The following SLC2A13 variants were observed in gnomAD, a reference collection of about 807,000 sequenced individuals.
SLC2A13 encodes the protein proton myo-inositol cotransporter.
Under a neutral mutation model 64.4 loss-of-function variants are expected in SLC2A13, and 32 were observed. That is an observed-to-expected ratio of 0.50 (90% CI 0.37 to 0.67). SLC2A13 has a LOEUF of 0.67. Ranked by LOEUF, SLC2A13 falls within the 30% of genes least tolerant of loss-of-function variation. SLC2A13 has a pLI of 0.00. For missense variants in SLC2A13, 743 were observed against 829.2 expected (o/e 0.90, Z 1.28); for synonymous variants, 338 against 327.1 (o/e 1.03, Z -0.36).
At chr12:39,862,437 A>G (rs988225270) in intron 6 of SLC2A13, among the ~76,000 whole-genome samples, 1 of 152,224 alleles carries the variant, frequency 6.6e-6, no homozygotes, top group African/African-American at 2.4e-5. Context: ...CAATGGACAT[A>G]GGCACTTAAC....
At chr12:39,790,726 T>C (rs954551047) in intron 7 of SLC2A13, among the ~76,000 whole-genome samples, 2 of 88,736 alleles carry the variant, frequency 2.3e-5, no homozygotes, top group Non-Finnish European at 4.4e-5. Context: ...GTCATTTGGG[T>C]ATATACCCAG....
chr12:40,057,649 A>G (rs562139470), intron 1 of SLC2A13, among the ~76,000 whole-genome samples: 18 of 152,208 alleles, frequency 1.2e-4, no homozygotes, highest in African/African-American at 4.1e-4. Context: ...AGCTACACTG[A>G]TAGAATTTCT....
At chr12:39,953,019 AAAAC>A (rs538494284) in intron 3 of SLC2A13, among the ~76,000 whole-genome samples, 78 of 152,282 alleles carry the variant, frequency 5.1e-4, no homozygotes, top group African/African-American at 1.8e-3. Context: ...CAACAAAACA[AAAAC>A]AAACAAAAGC....
At chr12:40,003,123 T>C (rs1947347261) in intron 3 of SLC2A13, among the ~76,000 whole-genome samples, 2 of 152,220 alleles carry the variant, frequency 1.3e-5, no homozygotes, top group Non-Finnish European at 2.9e-5. Context: ...ACCACTCCTG[T>C]AAATATGGAC....
intron 6 of SLC2A13, among the ~76,000 whole-genome samples, chr12:39,840,355 A>G (rs928499755): frequency 2.6e-5 from 4 of 151,906 alleles, no homozygotes; most frequent in African/African-American, 9.7e-5. Context: ...TCCACTCTCT[A>G]CACTGCCTCA....
chr12:39,896,576 G>GTATACATATATGTATGTATGTA (rs34981555), intron 4 of SLC2A13, among the ~76,000 whole-genome samples: 1 of 97,566 alleles, frequency 1.0e-5, no homozygotes, highest in East Asian at 5.7e-4. Flanking sequence ...ATGTATGTAT[G>GTATACATATATGTATGTATGTA]TGTGTATATA....
Position 39,930,130 on chromosome 12 carries a change from C to CAA in SLC2A13, c.1034+21125_1034+21126dup, listed in dbSNP as rs11385191. On this transcript the variant is annotated intron_variant, in intron 4 of 9. Coordinates refer to ENST00000280871, the MANE Select transcript of SLC2A13 (RefSeq NM_052885.4). The stretch of plus-strand genomic sequence containing the variant: ...TGGGTGACAGAGTGAGACTTCGTCT[C>CAA]AAAAAAAAAAAAAAACCAAAAAACG... Among the ~76,000 whole-genome samples the CAA allele has an allele frequency of 2.3e-3, 216 of 95,840 alleles. 2 individuals carry two copies. The highest frequency in any genetic ancestry group is 0.017 in the East Asian group (60 of 3,524). The allele number at this position is 95,840 out of a possible 152,430, so 62.9% of individuals were successfully genotyped here.
intron 6 of SLC2A13, among the ~76,000 whole-genome samples, chr12:39,848,734 T>C (rs1445585981): frequency 6.6e-6 from 1 of 152,154 alleles, no homozygotes; most frequent in Non-Finnish European, 1.5e-5. Flanking sequence ...ATGTTCATTG[T>C]ACCACTATCC....
chr12:39,774,482 T>G (rs74090323), intron 7 of SLC2A13, among the ~76,000 whole-genome samples: 7,207 of 152,116 alleles, frequency 0.047, 593 homozygotes, highest in African/African-American at 0.17. Flanking sequence ...TCTAATAACA[T>G]CTCTGTGATT....
rs1447106142 is a variant in SLC2A13, at chr12:40,105,324, G to C, written c.485C>G (p.Ser162Cys). ...GTTGTTGGCCGCAGCCAGCACCGCG[G>C]AGCCGGCGGTGAAGAGGGCACTGGC... ...LLASALFTAG[S>C]AVLAAANNKE... The change falls in exon 1 of 10, where the codon TCC (serine) becomes TGC (cysteine). Residue 162 changes from serine (S) to cysteine (C), a missense_variant. Physicochemically the swap from Ser to Cys is moderately radical, Grantham distance 112 (BLOSUM62 -1). Transcript: ENST00000280871. This position sits in a 1 kb window ranked among gnomAD's most constrained non-coding sequence, Gnocchi z 4.2. 2 of 1,599,586 alleles carry C rather than the reference G, an allele frequency of 1.3e-6. No individual in the cohort carries two copies. The highest frequency in any genetic ancestry group is 8.5e-7 in the Non-Finnish European group (1 of 1,174,696).
intron 2 of SLC2A13, among the ~76,000 whole-genome samples, chr12:40,038,089 C>G (rs1373434462): frequency 1.3e-5 from 2 of 152,194 alleles, no homozygotes; most frequent in Admixed American, 6.5e-5. Flanking sequence ...ACTTAGATCA[C>G]TGACTTTAAA....
At chr12:39,907,977 G>A (rs1272079769) in intron 4 of SLC2A13, 1 of 151,988 alleles carries the variant, frequency 6.6e-6, no homozygotes, top group Non-Finnish European at 1.5e-5. Context: ...CAGCTATGGT[G>A]GGAGCCACAT....
At chr12:39,875,243 A>T (rs1479374143) in intron 4 of SLC2A13, among the ~76,000 whole-genome samples, 1 of 152,134 alleles carries the variant, frequency 6.6e-6, no homozygotes, top group Non-Finnish European at 1.5e-5. Flanking sequence ...GGGAAAAATC[A>T]TTTCCTTGTC....
At chr12:40,081,839 T>A (rs557556644) in intron 1 of SLC2A13, among the ~76,000 whole-genome samples, 1 of 152,346 alleles carries the variant, frequency 6.6e-6, no homozygotes, top group South Asian at 2.1e-4. Flanking sequence ...TTGCTGTCCT[T>A]CATATAGGGC....
intron 4 of SLC2A13, among the ~76,000 whole-genome samples, chr12:39,900,373 T>A (rs1302864496): frequency 1.3e-5 from 2 of 152,190 alleles, no homozygotes; most frequent in Admixed American, 1.3e-4. Context: ...AAGGGGATTA[T>A]ATTAGGAAAA....
At chr12:39,934,078 AG>A (rs1228786773) in intron 4 of SLC2A13, among the ~76,000 whole-genome samples, 3 of 152,214 alleles carry the variant, frequency 2.0e-5, no homozygotes, top group Non-Finnish European at 4.4e-5. Context: ...CTGAATCTTA[AG>A]TTAGCTATGA....
At chr12:39,853,938 G>T (rs1943534694) in intron 6 of SLC2A13, among the ~76,000 whole-genome samples, 1 of 151,972 alleles carries the variant, frequency 6.6e-6, no homozygotes, top group African/African-American at 2.4e-5. Flanking sequence ...TTCATCATTT[G>T]GTACTTGATT....
intron 7 of SLC2A13, among the ~76,000 whole-genome samples, chr12:39,792,849 A>T (rs2135767512): frequency 6.6e-6 from 1 of 150,962 alleles, no homozygotes; most frequent in East Asian, 1.9e-4. Context: ...GTTCAAACCG[A>T]TATTGTTCTA....
chr12:39,883,516 A>G (rs1158806047), intron 4 of SLC2A13, among the ~76,000 whole-genome samples: 1 of 152,184 alleles, frequency 6.6e-6, no homozygotes, highest in Admixed American at 6.6e-5. Flanking sequence ...ACAGGACGGA[A>G]AAAGGTGACA....
Sources: gnomAD v4.1 joint callset for allele counts (sites outside exome capture counted in the v4.1 genomes callset) on GRCh38, gnomAD v4.1.1 for gene constraint, Gnocchi (gnomAD v3.1) non-coding constraint, MANE v1.5 for transcripts, NCBI Gene and HGNC (gene_info 2026-07-23, HGNC 2026-07-21) for gene names.